CLSTN2: variants seen among roughly 807,000 people sequenced by gnomAD.
The protein encoded by CLSTN2 is calsyntenin 2.
In CLSTN2, 48 loss-of-function variants were observed where a neutral mutation model predicts 101.2. The observed-to-expected ratio is 0.47, with a 90% CI of 0.38 to 0.60. The LOEUF (loss-of-function observed/expected upper bound fraction) is 0.60, where lower values mean the gene tolerates loss of function less well. Among genes scored for constraint, CLSTN2 ranks in the 20% least tolerant of loss-of-function variants. CLSTN2 has a pLI of 0.00. For missense variants in CLSTN2, 1,160 were observed against 1,238.2 expected (o/e 0.94, Z 0.95); for synonymous variants, 481 against 463.6 (o/e 1.04, Z -0.48).
At chr3:140,064,627 A>C (rs1223439564) in intron 1 of CLSTN2, among the ~76,000 whole-genome samples, 1 of 152,228 alleles carries the variant, frequency 6.6e-6, no homozygotes, top group African/African-American at 2.4e-5. Flanking sequence ...ATACCTTCTG[A>C]ATCAATGAGA....
At chr3:140,495,639 A>G (rs1461997498) in intron 8 of CLSTN2, among the ~76,000 whole-genome samples, 2 of 152,178 alleles carry the variant, frequency 1.3e-5, no homozygotes, top group Non-Finnish European at 2.9e-5. Context: ...TAATTTTTGT[A>G]TAAAGGTGTA....
At chr3:140,144,434 C>G (rs1403800701) in intron 1 of CLSTN2, among the ~76,000 whole-genome samples, 1 of 152,036 alleles carries the variant, frequency 6.6e-6, no homozygotes, top group Admixed American at 6.6e-5. Context: ...ATGCTGAAAC[C>G]CCATCTCTAC....
At chr3:140,247,877 C>T (rs73870712) in intron 2 of CLSTN2, among the ~76,000 whole-genome samples, 6,468 of 152,266 alleles carry the variant, frequency 0.042, 297 homozygotes, top group African/African-American at 0.11. Flanking sequence ...CTTTCCCTGC[C>T]TTCCAGAGCT....
intron 1 of CLSTN2, among the ~76,000 whole-genome samples, chr3:140,063,033 G>A (rs985237982): frequency 2.0e-5 from 3 of 152,162 alleles, no homozygotes; most frequent in African/African-American, 7.2e-5. Flanking sequence ...TAAGTGACAA[G>A]ATCTAGTTGT....
intron 1 of CLSTN2, among the ~76,000 whole-genome samples, chr3:140,097,733 A>G (rs2008894973): frequency 6.6e-6 from 1 of 152,198 alleles, no homozygotes; most frequent in Non-Finnish European, 1.5e-5. Context: ...ATTAAAATCT[A>G]CAGATGGGAT....
At chr3:140,162,927 C>T (rs1478613623) in intron 1 of CLSTN2, among the ~76,000 whole-genome samples, 1 of 152,108 alleles carries the variant, frequency 6.6e-6, no homozygotes, top group Non-Finnish European at 1.5e-5. Context: ...TAGCATAAGC[C>T]ACAAGGGTTT....
chr3:140,071,867 G>A (rs1350287801), intron 1 of CLSTN2, among the ~76,000 whole-genome samples: 1 of 135,090 alleles, frequency 7.4e-6, no homozygotes, highest in African/African-American at 3.4e-5. Context: ...AAATAAAAAA[G>A]AAAAACACCA....
At chr3:139,956,210 G>C (rs1935396272) in intron 1 of CLSTN2, among the ~76,000 whole-genome samples, 1 of 152,296 alleles carries the variant, frequency 6.6e-6, no homozygotes, top group Non-Finnish European at 1.5e-5. Flanking sequence ...TGGTCATGTT[G>C]CTTCAGTATT....
chr3:140,353,099 C>T (rs1189038806), intron 2 of CLSTN2, among the ~76,000 whole-genome samples: 2 of 151,914 alleles, frequency 1.3e-5, no homozygotes, highest in Non-Finnish European at 2.9e-5. Context: ...TTACTTAAAG[C>T]ATACAGGAGG....
At chr3:139,953,564 A>G (rs1017387633) in intron 1 of CLSTN2, among the ~76,000 whole-genome samples, 17 of 152,126 alleles carry the variant, frequency 1.1e-4, no homozygotes, top group African/African-American at 4.1e-4. Context: ...CAAGTGTGGC[A>G]GGTCAGTAGT....
chr3:140,005,521 T>C (rs1181606969), intron 1 of CLSTN2, among the ~76,000 whole-genome samples: 3 of 152,182 alleles, frequency 2.0e-5, no homozygotes, highest in African/African-American at 4.8e-5. Context: ...CTGCTTTTCT[T>C]TGTGTCTCCT....
At chr3:140,520,347 C>T (rs1291889862) in intron 8 of CLSTN2, among the ~76,000 whole-genome samples, 4 of 152,230 alleles carry the variant, frequency 2.6e-5, no homozygotes, top group African/African-American at 9.6e-5. Context: ...AATTGACTTA[C>T]TTACCATTCC....
chr3:140,029,055 C>T (rs2007491362), intron 1 of CLSTN2, among the ~76,000 whole-genome samples: 1 of 152,148 alleles, frequency 6.6e-6, no homozygotes, highest in African/African-American at 2.4e-5. Flanking sequence ...CTGAGGCCTT[C>T]GTCTTGTCAT....
At position 140,225,179 on chromosome 3, in the gene CLSTN2, C is replaced by G. The variant is rs560576256; in HGVS notation, c.232+49106C>G. On this transcript the variant is annotated intron_variant, in intron 2 of 16. Transcript: ENST00000458420. ...CTGGGCAGACTCTCCACCCTTCCCC[C>G]ACCTGCTGCTTTATGGGAAGGGCCC... Among the ~76,000 whole-genome samples the G allele has an allele frequency of 1.1e-4, 17 of 152,332 alleles. No individual in the cohort carries two copies. In the South Asian group the frequency reaches 3.1e-3, roughly 28 times the overall value.
intron 1 of CLSTN2, among the ~76,000 whole-genome samples, chr3:140,097,948 AGAG>A (rs2008899364): frequency 6.6e-6 from 1 of 152,174 alleles, no homozygotes; most frequent in Non-Finnish European, 1.5e-5. Flanking sequence ...TATTCGTCCC[AGAG>A]AAATGAATTT....
At chr3:140,349,970 A>C (rs1264109868) in intron 2 of CLSTN2, among the ~76,000 whole-genome samples, 1 of 152,202 alleles carries the variant, frequency 6.6e-6, no homozygotes, top group Non-Finnish European at 1.5e-5. Context: ...GACATCTCTC[A>C]TAGATTGAAT....
intron 2 of CLSTN2, among the ~76,000 whole-genome samples, chr3:140,315,906 C>T (rs999475076): frequency 1.3e-5 from 2 of 152,136 alleles, no homozygotes; most frequent in African/African-American, 2.4e-5. Flanking sequence ...TGGCCTCTGC[C>T]TCCAGATGGT....
chr3:140,345,820 G>A (rs1049643418), intron 2 of CLSTN2, among the ~76,000 whole-genome samples: 2 of 152,204 alleles, frequency 1.3e-5, no homozygotes, highest in East Asian at 1.9e-4. Context: ...AGATGGGAAC[G>A]TATATGTTTG....
intron 1 of CLSTN2, among the ~76,000 whole-genome samples, chr3:140,083,135 ATTC>A (rs1479046625): frequency 6.6e-6 from 1 of 152,108 alleles, no homozygotes. Context: ...GGCTTCTTGT[ATTC>A]TTCTGTTATA....
Sources: gnomAD v4.1 joint callset for allele counts (sites outside exome capture counted in the v4.1 genomes callset) on GRCh38, gnomAD v4.1.1 for gene constraint, MANE v1.5 for transcripts, NCBI Gene and HGNC (gene_info 2026-07-23, HGNC 2026-07-21) for gene names.